HCFC1: variants seen among roughly 807,000 people sequenced by gnomAD.
The protein encoded by HCFC1 is host cell factor C1.
A neutral mutation model predicts 105.5 loss-of-function variants in HCFC1; 7 were observed. The observed-to-expected ratio is 0.07, with a 90% confidence interval of 0.04 to 0.12. The LOEUF is 0.12. Ranked by LOEUF, HCFC1 falls within the 10% of genes least tolerant of loss-of-function variation. The pLI is 1.00. For missense variants in HCFC1, 1,065 were observed against 1,823.6 expected (o/e 0.58, Z 7.58); for synonymous variants, 918 against 828.1 (o/e 1.11, Z -1.86).
rs371434780 is a variant in HCFC1 at position 153,970,498 on chromosome X, G to A, written c.193+150C>T. The A allele has an allele frequency of 2.1e-4, 83 of 403,366 alleles. 1 individual carries two copies. The highest frequency in any genetic ancestry group is 1.5e-3 in the South Asian group (36 of 23,666). The allele number at this position is 403,366 out of a possible 1,213,427, so 33.2% of individuals were successfully genotyped here. On this transcript the variant is annotated intron_variant, in intron 1 of 25. Transcript: ENST00000310441. ...GGAGAAGGACGGGTAAGGGAGGAGG[G>A]GAGAGAGAGAGGGAAGGGTAGAGGG...
rs145590247 is a variant in HCFC1, at chrX:153,962,939, G to A, written c.712+286C>T. 5.3e-5 allele frequency among the ~76,000 whole-genome samples: 6 copies of A among 112,158 alleles called. No homozygotes were observed. In the East Asian group the frequency reaches 8.3e-4, roughly 16 times the overall value. ...GAGTCAAGAGGGACTAATGCTACCC[G>A]GATCCAGAGAATTCCATTCTAGAAA... is the stretch of plus-strand genomic sequence containing the variant. On this transcript the variant is annotated intron_variant, in intron 4 of 25. Coordinates refer to ENST00000310441, the MANE Select transcript of HCFC1 (RefSeq NM_005334.3).
rs2065306877 is a variant in HCFC1, at chrX:153,951,140, T to TG, written c.5518-143dup. The TG allele has an allele frequency of 8.7e-6, 6 of 690,807 alleles. No homozygotes were observed. The Admixed American group carries it at 1.7e-4, about 19-fold the overall frequency. The allele number at this position is 690,807 out of a possible 1,213,427, so 56.9% of individuals were successfully genotyped here. On this transcript the variant is annotated intron_variant, in intron 22 of 25. Transcript: ENST00000310441. Reference sequence around the variant, plus strand: ...TGGCCCCTCACGGCAAGGAGGGACGTGGCGAGGCTGACTGTGGCCCGGTAC... The same window carrying TG: ...TGGCCCCTCACGGCAAGGAGGGACGTGGGCGAGGCTGACTGTGGCCCGGTAC...
Position 153,949,602 on chromosome X carries a change from T to C in HCFC1, c.6019A>G (p.Ser2007Gly). 1 of 1,210,138 alleles carries C rather than the reference T, an allele frequency of 8.3e-7. No individual in the cohort carries two copies. Among genetic ancestry groups the C allele is most frequent in the Non-Finnish European group, 1.1e-6 (1 of 893,902 alleles). The change falls in exon 25 of 26, where the codon AGC becomes GGC. Residue 2007 changes from serine (S) to glycine (G), a missense_variant. Coordinates refer to ENST00000310441, the MANE Select transcript of HCFC1 (RefSeq NM_005334.3). ...VRWLQETSKD[S>G]SGTKPANKRP... ...TTGTTGGCTGGCTTGGTGCCAGAGCTGTCTTTACTGGTTTCTGGAAGGAAC... is the reference window on the plus strand; with the variant it reads ...TTGTTGGCTGGCTTGGTGCCAGAGCCGTCTTTACTGGTTTCTGGAAGGAAC...
intron 5 of HCFC1, 62 bp downstream of exon 5, chrX:153,962,160 G>C: frequency 3.4e-6 from 3 of 890,497 alleles, no homozygotes; most frequent in Non-Finnish European, 4.9e-6. Flanking sequence ...CTGAGTGAGA[G>C]CCCTTCGGGG....
At position 153,950,566 on chromosome X, in the gene HCFC1, G is replaced by A. The variant is rs781837389; in HGVS notation, c.5704-23C>T. ...ACTCTAGAAGCCAGGGGGTCAGAAGGTCAACAGAACAGGCTAGAGGCTTCC... is the reference window on the plus strand; with the variant it reads ...ACTCTAGAAGCCAGGGGGTCAGAAGATCAACAGAACAGGCTAGAGGCTTCC... On this transcript the variant is annotated intron_variant, in intron 23 of 25. Coordinates refer to ENST00000310441, the MANE Select transcript of HCFC1 (RefSeq NM_005334.3). 4.4e-6 allele frequency: 5 copies of A among 1,138,426 alleles called. No individual in the cohort carries two copies. The African/African-American group carries it at 5.5e-5, about 12-fold the overall frequency. The allele number at this position is 1,138,426 out of a possible 1,213,427, so 93.8% of individuals were successfully genotyped here. A position where few individuals can be genotyped will look rare whatever the true frequency, so the allele number is the denominator to read the frequency against.
chrX:153,948,516 A>C lies in HCFC1; in HGVS notation c.*831T>G, dbSNP rs1557111565. 1 of 113,160 alleles carries C rather than the reference A, an allele frequency of 8.8e-6. No individual in the cohort carries two copies. Among genetic ancestry groups the C allele is most frequent in the Non-Finnish European group, 1.9e-5 (1 of 53,360 alleles). The allele number at this position is 113,160 out of a possible 1,213,427, so 9.3% of individuals were successfully genotyped here. ...AAAAACAAAACAAAACAAAACAAAA[A>C]AAAGAGAAAAGAAAAAAGATTACAC... On this transcript the variant is annotated 3_prime_UTR_variant, in exon 26 of 26. Transcript: ENST00000310441.
At chrX:153,967,316 C>T (rs1220268730) in intron 1 of HCFC1, among the ~76,000 whole-genome samples, 3 of 111,661 alleles carry the variant, frequency 2.7e-5, no homozygotes, top group Non-Finnish European at 5.7e-5. Context: ...TAGATGAAGA[C>T]CACTCCAGCT....
intron 1 of HCFC1, among the ~76,000 whole-genome samples, chrX:153,964,938 G>A (rs963998718): frequency 8.9e-5 from 10 of 111,895 alleles, no homozygotes; most frequent in Non-Finnish European, 1.7e-4. Flanking sequence ...CCTGCTTCTC[G>A]CCAAGGTCAT....
chrX:153,962,038 CT>C (rs2065433990), intron 5 of HCFC1, among the ~76,000 whole-genome samples, 183 bp downstream of exon 5: 1 of 111,631 alleles, frequency 9.0e-6, no homozygotes, highest in Non-Finnish European at 1.9e-5. Flanking sequence ...CCTCTCCCCC[CT>C]GAATCTGTCT....
intron 1 of HCFC1, chrX:153,969,505 C>G (rs2065504782): frequency 8.9e-6 from 1 of 112,956 alleles, no homozygotes; most frequent in Non-Finnish European, 1.9e-5. Context: ...CCTGACCCTG[C>G]CTTCTGGGCA....
intron 15 of HCFC1, 79 bp downstream of exon 15, chrX:153,956,546 C>T (rs1010167060): frequency 3.5e-6 from 4 of 1,157,101 alleles, no homozygotes; most frequent in East Asian, 6.0e-5. Context: ...TGCCACCCAG[C>T]TGTGCCATGG....
At chrX:153,961,857 T>C (rs2065432135) in intron 5 of HCFC1, among the ~76,000 whole-genome samples, 3 of 111,902 alleles carry the variant, frequency 2.7e-5, no homozygotes, top group Non-Finnish European at 5.7e-5. Flanking sequence ...AAAAGTGCCG[T>C]TCAGCTCATC....
chrX:153,970,539 A>AGGGAGGGAG, intron 1 of HCFC1, 109 bp downstream of exon 1: 1 of 468,400 alleles, frequency 2.1e-6, no homozygotes, highest in Non-Finnish European at 3.5e-6. Flanking sequence ...GAGGAGATGG[A>AGGGAGGGAG]GGGAGGGAGG....
chrX:153,954,771 G>T lies in HCFC1; in HGVS notation c.3628C>A (p.Gln1210Lys). 8.5e-7 allele frequency: 1 copy of T among 1,170,806 alleles called. No homozygotes were observed. Among genetic ancestry groups the T allele is most frequent in the African/African-American group, 1.8e-5 (1 of 56,708 alleles). Residue 1210 changes from glutamine to lysine, a missense_variant, in exon 17 of 26, where the codon CAG (glutamine) becomes AAG (lysine). By Grantham distance (53) the Gln-to-Lys change is moderately conservative. Coordinates refer to ENST00000310441, the MANE Select transcript of HCFC1 (RefSeq NM_005334.3). ...EPGGRSPAFV[Q>K]LAPLSSKVRL... ...ACTTTGCTGCTCAGAGGGGCCAACT[G>T]CACAAAAGCAGGGCTGCGGCCCCCG... is the stretch of plus-strand genomic sequence containing the variant.
chrX:153,956,138 C>T (rs2065374431), intron 16 of HCFC1, 53 bp downstream of exon 16: 8 of 1,089,440 alleles, frequency 7.3e-6, no homozygotes, highest in African/African-American at 3.6e-5. Context: ...GCCTCACGTG[C>T]TTCCACTTGT....
chrX:153,951,462 C>T lies in HCFC1; in HGVS notation c.5405G>A (p.Ser1802Asn). The change falls in exon 22 of 26, where the codon AGC becomes AAC. Residue 1802 changes from serine (S) to asparagine (N), a missense_variant. Coordinates refer to ENST00000310441, the MANE Select transcript of HCFC1 (RefSeq NM_005334.3). ...GVKPDLPPPP[S>N]KAPMKKENQW... ...GTTTTCCTTCTTCATGGGGGCTTTG[C>T]TGGGTGGGGGCGGCAGGTCTGGCTT... 3 of 1,211,408 alleles carry T rather than the reference C, an allele frequency of 2.5e-6. No homozygotes were observed. Among genetic ancestry groups the T allele is most frequent in the Non-Finnish European group, 3.4e-6 (3 of 895,344 alleles).
chrX:153,953,176 T>C, intron 18 of HCFC1: 2 of 447,830 alleles, frequency 4.5e-6, no homozygotes, highest in Non-Finnish European at 7.8e-6. Context: ...AGCCCTCACC[T>C]TTCCTTGTGG....
intron 8 of HCFC1, 134 bp downstream of exon 8, chrX:153,959,667 AC>A (rs2065410654): frequency 2.1e-6 from 2 of 959,262 alleles, no homozygotes; most frequent in Non-Finnish European, 2.8e-6. Flanking sequence ...TCCCCCTACA[AC>A]CCTTGGAGAC....
chrX:153,951,330 C>T lies in HCFC1; in HGVS notation c.5517+20G>A, dbSNP rs782205550. 1 of 1,210,081 alleles carries T rather than the reference C, an allele frequency of 8.3e-7. No homozygotes were observed. Among genetic ancestry groups the T allele is most frequent in the Non-Finnish European group, 1.1e-6 (1 of 894,214 alleles). On this transcript the variant is annotated intron_variant, in intron 22 of 25. Coordinates refer to ENST00000310441, the MANE Select transcript of HCFC1 (RefSeq NM_005334.3). ...CCAAGACCCACCCACCTGAGGACATCAGCACCTGGGGACACTTACGTCTGA... is the reference window on the plus strand; with the variant it reads ...CCAAGACCCACCCACCTGAGGACATTAGCACCTGGGGACACTTACGTCTGA...
Sources: gnomAD v4.1 joint callset for allele counts (sites outside exome capture counted in the v4.1 genomes callset) on GRCh38, gnomAD v4.1.1 for gene constraint, MANE v1.5 for transcripts, NCBI Gene and HGNC (gene_info 2026-07-23, HGNC 2026-07-21) for gene names.